Variants in GUCY1A2 observed in about 807,000 individuals in gnomAD.
GUCY1A2 encodes guanylate cyclase 1 soluble subunit alpha 2.
In GUCY1A2, 27 loss-of-function variants were observed where a neutral mutation model predicts 63.5. The observed-to-expected ratio is 0.43, with a 90% CI of 0.31 to 0.59. The LOEUF is 0.59. Ranked by LOEUF, GUCY1A2 falls within the 20% of genes least tolerant of loss-of-function variation. The pLI is 0.11. For synonymous variants in GUCY1A2, 364 were observed against 343.5 expected (o/e 1.06, Z -0.66); for missense variants, 768 against 913.3 (o/e 0.84, Z 2.05).
chr11:106,708,204 A>G (rs1038140210), intron 7 of GUCY1A2, among the ~76,000 whole-genome samples: 2 of 152,078 alleles, frequency 1.3e-5, no homozygotes, highest in Non-Finnish European at 2.9e-5. Flanking sequence ...GATTTCTATT[A>G]TAATGCAGAT....
rs192536186 is a variant in GUCY1A2 at position 106,719,724 on chromosome 11, T to G, written c.1837-11058A>C. Among the ~76,000 whole-genome samples the G allele has an allele frequency of 1.5e-3, 231 of 152,306 alleles. 3 individuals are homozygous for G. Among genetic ancestry groups the G allele is most frequent in the African/African-American group, 5.1e-3 (213 of 41,574 alleles). On this transcript the variant is annotated intron_variant, in intron 6 of 7. Transcript: ENST00000526355. ...TTAAAATTGCTGTTTTGAATTTGAT[T>G]ACTGGAGAGTAAGATTTAGCTGGTT...
intron 6 of GUCY1A2, among the ~76,000 whole-genome samples, chr11:106,743,949 G>T (rs1346217552): frequency 6.6e-6 from 1 of 152,098 alleles, no homozygotes; most frequent in African/African-American, 2.4e-5. Context: ...GCCTTTTCCT[G>T]TAAGTCCCTA....
intron 4 of GUCY1A2, among the ~76,000 whole-genome samples, chr11:106,850,428 G>A (rs1414880095): frequency 6.6e-6 from 1 of 151,724 alleles, no homozygotes; most frequent in Non-Finnish European, 1.5e-5. Flanking sequence ...GTAAGGTGCT[G>A]CAGAACACCA....
intron 4 of GUCY1A2, among the ~76,000 whole-genome samples, chr11:106,871,974 G>A (rs1475891192): frequency 6.6e-6 from 1 of 152,060 alleles, no homozygotes; most frequent in Non-Finnish European, 1.5e-5. Context: ...GTTCTATAGT[G>A]CTCTGCTGTA....
rs1862354189 is a variant in GUCY1A2, at chr11:106,676,793, T to C, written c.*10756A>G. The C allele has an allele frequency of 5.2e-6, 1 of 192,664 alleles. No homozygotes were observed. The highest frequency in any genetic ancestry group is 6.2e-5 in the Admixed American group (1 of 16,178). The allele number at this position is 192,664 out of a possible 1,614,324, so 11.9% of individuals were successfully genotyped here. ...AGTCTTTAGCAGTGTGGTACTCACA[T>C]AAAAAAAAATGACTACTTGAAAATA... On this transcript the variant is annotated 3_prime_UTR_variant, in exon 8 of 8. Coordinates refer to ENST00000526355, the MANE Select transcript of GUCY1A2 (RefSeq NM_000855.3).
rs1862402810 is a variant in GUCY1A2 at position 106,679,837 on chromosome 11, C to T, written c.*7712G>A. 4 of 217,638 alleles carry T rather than the reference C, an allele frequency of 1.8e-5. No homozygotes were observed. The East Asian group carries it at 2.7e-4, about 15-fold the overall frequency. 13.5% of individuals were successfully genotyped at this position (217,638 alleles called of 1,614,324 possible). ...TAACCAAGACTAGTTCTATCTGCCA[C>T]CTTCAGAAAGCATCTATTTGTAGCT... is the stretch of plus-strand genomic sequence containing the variant. On this transcript the variant is annotated 3_prime_UTR_variant, in exon 8 of 8. Coordinates refer to ENST00000526355, the MANE Select transcript of GUCY1A2 (RefSeq NM_000855.3).
intron 4 of GUCY1A2, among the ~76,000 whole-genome samples, chr11:106,834,592 G>A (rs556990850): frequency 2.8e-4 from 43 of 152,020 alleles, no homozygotes; most frequent in African/African-American, 1.0e-3. Flanking sequence ...TCTGGCAGTA[G>A]GCTGGAAGGA....
intron 4 of GUCY1A2, among the ~76,000 whole-genome samples, chr11:106,863,890 G>C (rs1327817633): frequency 6.6e-6 from 1 of 152,022 alleles, no homozygotes; most frequent in Non-Finnish European, 1.5e-5. Flanking sequence ...TATTCTCTTT[G>C]TAGCAATTGT....
At chr11:106,748,332 G>A in intron 6 of GUCY1A2, among the ~76,000 whole-genome samples, 1 of 152,152 alleles carries the variant, frequency 6.6e-6, no homozygotes, top group East Asian at 1.9e-4. Context: ...TCCTGAGATA[G>A]GGCACTAGGA....
chr11:106,878,775 TAAAAGTTA>T (rs1265317327), intron 4 of GUCY1A2, among the ~76,000 whole-genome samples: 3 of 74,382 alleles, frequency 4.0e-5, no homozygotes, highest in African/African-American at 1.8e-4. Flanking sequence ...CCTTTCAACT[TAAAAGTTA>T]AAAAAAAAAA....
At chr11:106,841,228 C>T (rs907351592) in intron 4 of GUCY1A2, among the ~76,000 whole-genome samples, 2 of 151,878 alleles carry the variant, frequency 1.3e-5, no homozygotes, top group African/African-American at 4.8e-5. Context: ...CTTCACCTTA[C>T]TATCCTCTAT....
At chr11:106,958,315 A>T (rs1372167949) in intron 3 of GUCY1A2, among the ~76,000 whole-genome samples, 1 of 152,186 alleles carries the variant, frequency 6.6e-6, no homozygotes. Context: ...CTCTACTTAA[A>T]CAGCACCCTG....
At chr11:106,969,896 A>G (rs1861172571) in intron 3 of GUCY1A2, among the ~76,000 whole-genome samples, 1 of 152,098 alleles carries the variant, frequency 6.6e-6, no homozygotes, top group Non-Finnish European at 1.5e-5. Flanking sequence ...CTGTGCTTCC[A>G]TTTCTTCTGC....
chr11:106,882,810 A>G (rs924849195), intron 4 of GUCY1A2, among the ~76,000 whole-genome samples: 1 of 152,096 alleles, frequency 6.6e-6, no homozygotes, highest in East Asian at 1.9e-4. Flanking sequence ...TTTGGTAGTG[A>G]AATATAAGAA....
At chr11:106,951,510 T>G (rs1860908770) in intron 3 of GUCY1A2, among the ~76,000 whole-genome samples, 4 of 152,242 alleles carry the variant, frequency 2.6e-5, no homozygotes, top group African/African-American at 9.6e-5. Context: ...GAGCTTTTTT[T>G]CATGATTGTT....
At chr11:106,936,637 G>T (rs1591334221) in intron 4 of GUCY1A2, 2 of 1,488,644 alleles carry the variant, frequency 1.3e-6, no homozygotes, top group Non-Finnish European at 1.8e-6. Flanking sequence ...ATCTGGAAGA[G>T]TTTTTTTCTA....
At chr11:106,792,745 A>T (rs1864686629) in intron 5 of GUCY1A2, among the ~76,000 whole-genome samples, 1 of 152,194 alleles carries the variant, frequency 6.6e-6, no homozygotes. Context: ...TATTCAACAC[A>T]GTATTGAAAA....
intron 3 of GUCY1A2, among the ~76,000 whole-genome samples, chr11:106,962,599 T>C (rs1201538471): frequency 6.6e-6 from 1 of 151,092 alleles, no homozygotes; most frequent in Non-Finnish European, 1.5e-5. Flanking sequence ...TATGAGTGTG[T>C]GCAGGAATTG....
At chr11:107,006,258 G>A (rs1275611328) in intron 1 of GUCY1A2, among the ~76,000 whole-genome samples, 1 of 152,184 alleles carries the variant, frequency 6.6e-6, no homozygotes, top group Non-Finnish European at 1.5e-5. Context: ...GAAGTCATGA[G>A]TAATAGTAAA....
Sources: gnomAD v4.1 joint callset for allele counts (sites outside exome capture counted in the v4.1 genomes callset) on GRCh38, gnomAD v4.1.1 for gene constraint, MANE v1.5 for transcripts, NCBI Gene and HGNC (gene_info 2026-07-23, HGNC 2026-07-21) for gene names.